Variants in SYNPR observed in about 807,000 individuals in gnomAD.
The protein encoded by SYNPR is synaptoporin.
SYNPR carries 23 observed loss-of-function variants against 32.9 expected under a neutral mutation model. The observed-to-expected ratio is 0.70, with a 90% confidence interval of 0.50 to 0.99. The LOEUF (loss-of-function observed/expected upper bound fraction) is 0.99, where lower values mean the gene tolerates loss of function less well. Among genes scored for constraint, SYNPR ranks in the 50% least tolerant of loss-of-function variants. SYNPR has a pLI of 0.00. For synonymous variants in SYNPR, 146 were observed against 135.9 expected, an observed-to-expected ratio of 1.07 and a Z score of -0.52; for missense variants, 318 against 349.3, an observed-to-expected ratio of 0.91 and a Z score of 0.71.
At chr3:63,418,010 T>G (rs1475722134) in intron 2 of SYNPR, among the ~76,000 whole-genome samples, 1 of 152,210 alleles carries the variant, frequency 6.6e-6, no homozygotes, top group Non-Finnish European at 1.5e-5. Context: ...CTGGCTTGAA[T>G]TTCTACTCAG....
chr3:63,271,807 T>C (rs2086537484), intron 3 of SYNPR, among the ~76,000 whole-genome samples: 1 of 152,056 alleles, frequency 6.6e-6, no homozygotes, highest in African/African-American at 2.4e-5. Flanking sequence ...CATCTATATA[T>C]ATCTATATAT....
chr3:63,422,362 G>GA (rs145573417), intron 2 of SYNPR, among the ~76,000 whole-genome samples: 2 of 150,214 alleles, frequency 1.3e-5, no homozygotes, highest in Admixed American at 6.6e-5. Flanking sequence ...GTAGACACAT[G>GA]AAAAAAAAAT....
chr3:63,373,918 G>A (rs1038351499), intron 2 of SYNPR, among the ~76,000 whole-genome samples: 1 of 152,180 alleles, frequency 6.6e-6, no homozygotes, highest in Non-Finnish European at 1.5e-5. Flanking sequence ...GAGATTGGGG[G>A]CCTATGTTCA....
chr3:63,384,312 A>G (rs1235726340), intron 2 of SYNPR, among the ~76,000 whole-genome samples: 1 of 152,234 alleles, frequency 6.6e-6, no homozygotes, highest in African/African-American at 2.4e-5. Context: ...AAACATTCTT[A>G]GAGGTTTTTT....
chr3:63,429,208 A>C (rs1327680493), intron 2 of SYNPR, among the ~76,000 whole-genome samples: 2 of 152,228 alleles, frequency 1.3e-5, no homozygotes, highest in Non-Finnish European at 2.9e-5. Flanking sequence ...GAGCAAGCAT[A>C]AGATCAACAA....
intron 2 of SYNPR, among the ~76,000 whole-genome samples, chr3:63,449,917 T>C (rs1700348388): frequency 6.6e-6 from 1 of 152,132 alleles, no homozygotes; most frequent in South Asian, 2.1e-4. Flanking sequence ...CAAGCCCAAA[T>C]TCTTACAGCT....
At chr3:63,400,562 C>T (rs1273498422) in intron 2 of SYNPR, among the ~76,000 whole-genome samples, 1 of 152,228 alleles carries the variant, frequency 6.6e-6, no homozygotes, top group Non-Finnish European at 1.5e-5. Flanking sequence ...CAGCAAGAAA[C>T]TTCCCAGGAG....
chr3:63,526,215 T>C (rs1702009773), intron 3 of SYNPR, among the ~76,000 whole-genome samples: 1 of 152,210 alleles, frequency 6.6e-6, no homozygotes, highest in Non-Finnish European at 1.5e-5. Flanking sequence ...ATCCGAACCA[T>C]TGTAAAGGTC....
chr3:63,231,028 A>G lies in SYNPR; in HGVS notation n.66+2648A>G, dbSNP rs1391422450. ...TACCCAAAGGAAACAAAGTCATCAT[A>G]TAAAAAAGACACATGCACACATGTT... On this transcript the variant is annotated intron_variant and non_coding_transcript_variant, in intron 1 of 4. Coordinates refer to the SYNPR transcript ENST00000478456. Among the ~76,000 whole-genome samples, 11 of 152,212 alleles carry G rather than the reference A, an allele frequency of 7.2e-5. No individual in the cohort carries two copies. In the East Asian group the frequency reaches 1.9e-3, roughly 27 times the overall value.
At chr3:63,278,818 C>T in intron 2 of SYNPR, 76 bp downstream of exon 2, 21 of 1,465,132 alleles carry the variant, frequency 1.4e-5, no homozygotes, top group Non-Finnish European at 2.0e-5. Flanking sequence ...ATGGGGTGCT[C>T]CCTGCTCAGT....
chr3:63,459,953 C>T (rs574078388), intron 2 of SYNPR, among the ~76,000 whole-genome samples: 5 of 152,150 alleles, frequency 3.3e-5, no homozygotes, highest in Admixed American at 2.6e-4. Flanking sequence ...CCACAATTTC[C>T]GTCAATCTGT....
intron 3 of SYNPR, among the ~76,000 whole-genome samples, chr3:63,530,765 C>T (rs1168813557): frequency 6.6e-6 from 1 of 152,112 alleles, no homozygotes; most frequent in Non-Finnish European, 1.5e-5. Context: ...ACAAAATGAA[C>T]ACAACTGTCT....
intron 2 of SYNPR, among the ~76,000 whole-genome samples, chr3:63,322,058 T>A (rs113953266): frequency 1.1e-3 from 165 of 152,102 alleles, no homozygotes; most frequent in African/African-American, 3.9e-3. Context: ...CAACAGTAAG[T>A]GAGGAGAAAC....
At chr3:63,475,762 C>G (rs1341342062) in intron 2 of SYNPR, among the ~76,000 whole-genome samples, 1 of 152,090 alleles carries the variant, frequency 6.6e-6, no homozygotes, top group African/African-American at 2.4e-5. Context: ...CTTAGCCTTC[C>G]AGGTCTCACC....
chr3:63,413,958 G>C (rs142574131), intron 2 of SYNPR, among the ~76,000 whole-genome samples: 1,804 of 151,794 alleles, frequency 0.012, 36 homozygotes, highest in African/African-American at 0.041. Context: ...AGTTGGGTGT[G>C]AGTATAAGAA....
chr3:63,203,591 T>TA, the SYNPR span: 2 of 152,208 alleles, frequency 1.3e-5, no homozygotes, highest in Admixed American at 1.3e-4. Context: ...GTTGGTGGCC[T>TA]ATCATTCTTG....
At chr3:63,505,758 T>C (rs1701575393) in intron 3 of SYNPR, among the ~76,000 whole-genome samples, 2 of 152,224 alleles carry the variant, frequency 1.3e-5, no homozygotes. Context: ...TATCAACAGC[T>C]AACATCTTTA....
At chr3:63,540,891 TACACAC>T (rs34925541) in intron 3 of SYNPR, among the ~76,000 whole-genome samples, 27 of 122,938 alleles carry the variant, frequency 2.2e-4, no homozygotes, top group Middle Eastern at 8.8e-3. Flanking sequence ...CTATCACTCC[TACACAC>T]ACACACACAC....
rs1277698568 is a variant in SYNPR, at chr3:63,313,812, TATATATATCC to T, written c.84+35079_84+35088del. Among the ~76,000 whole-genome samples the T allele has an allele frequency of 2.2e-3, 88 of 39,440 alleles. 6 individuals carry two copies. Among genetic ancestry groups the T allele is most frequent in the African/African-American group, 3.6e-3 (30 of 8,438 alleles). 25.9% of individuals were successfully genotyped at this position (39,440 alleles called of 152,430 possible). On this transcript the variant is annotated intron_variant, in intron 2 of 5. Coordinates refer to ENST00000478300, the MANE Select transcript of SYNPR (RefSeq NM_001130003.2). ...ATATATATATCCATATATATATCCA[TATATATATCC>T]ATATATATATCCATATATATATATC...
Sources: gnomAD v4.1 joint callset for allele counts (sites outside exome capture counted in the v4.1 genomes callset) on GRCh38, gnomAD v4.1.1 for gene constraint, MANE v1.5 for transcripts, NCBI Gene and HGNC (gene_info 2026-07-23, HGNC 2026-07-21) for gene names.